The following ACE variants were observed in gnomAD, a reference collection of about 807,000 sequenced individuals.
ACE encodes the protein angiotensin-converting enzyme.
A neutral mutation model predicts 162.3 loss-of-function variants in ACE; 122 were observed. The observed-to-expected ratio is 0.75, with a 90% confidence interval of 0.65 to 0.87. ACE has a LOEUF of 0.87. ACE is among the 40% of genes least tolerant of loss of function. The pLI, the probability that ACE is intolerant of heterozygous loss-of-function variation, is 0.00. For missense variants in ACE, 1,799 were observed against 1,735.1 expected (o/e 1.04, Z -0.65); for synonymous variants, 796 against 720.6 (o/e 1.10, Z -1.68).
At chr17:63,482,126 G>A (rs4307) in intron 7 of ACE, among the ~76,000 whole-genome samples, 2,859 of 152,056 alleles carry the variant, frequency 0.019, 45 homozygotes, top group Middle Eastern at 0.027. Flanking sequence ...GCGAAACCCC[G>A]TCTCTACTAA....
Position 63,484,042 on chromosome 17 carries a change from T to C in ACE, c.1709+71T>C. ...CTGGCAAAGGGTGTGGCAGGAGGTG[T>C]CTGGCTGCTCTGATGGGGTGGGGGG... is the stretch of plus-strand genomic sequence containing the variant. On this transcript the variant is annotated intron_variant, in intron 11 of 24. Transcript: ENST00000290866. The surrounding 1 kb of genome is among the most constrained non-coding windows in gnomAD (Gnocchi z 4.0). 2 of 1,541,594 alleles carry C rather than the reference T, an allele frequency of 1.3e-6. No individual in the cohort carries two copies. The highest frequency in any genetic ancestry group is 1.7e-6 in the Non-Finnish European group (2 of 1,147,064).
chr17:63,493,371 C>G (rs1024548993), intron 19 of ACE, 65 bp from the exon 20 acceptor site: 1 of 1,487,518 alleles, frequency 6.7e-7, no homozygotes, highest in African/African-American at 1.4e-5. Flanking sequence ...GCCCACTGTT[C>G]CCTTATGCCC....
In ACE at chr17:63,486,606, A is replaced by G; in HGVS notation, c.2108A>G (p.Gln703Arg). The change falls in exon 14 of 25, where the codon CAG (glutamine) becomes CGG (arginine). Residue 703 changes from glutamine (Q) to arginine (R), a missense_variant. Physicochemically the swap from Gln to Arg is conservative, Grantham distance 43 (BLOSUM62 1). Coordinates refer to ENST00000290866, the MANE Select transcript of ACE (RefSeq NM_000789.4). ...AACCACACCCTGAAGTACGGCACCC[A>G]GGCCAGGAAGTTTGATGTGAACCAG... ...IANHTLKYGT[Q>R]ARKFDVNQLQ... The G allele has an allele frequency of 6.2e-7, 1 of 1,614,236 alleles. No homozygotes were observed.
Position 63,491,050 on chromosome 17 carries a change from A to T in ACE, c.2738A>T (p.Gln913Leu). Residue 913 changes from glutamine (Q) to leucine (L), a missense_variant and splice_region_variant, in exon 18 of 25, where the codon CAG (glutamine) becomes CTG (leucine). Physicochemically the swap from Gln to Leu is moderately radical, Grantham distance 113. Coordinates refer to ENST00000290866, the MANE Select transcript of ACE (RefSeq NM_000789.4). The surrounding 1 kb of genome is among the most constrained non-coding windows in gnomAD (Gnocchi z 4.4). ...GACACCACAGAGGCTATGCTAAAGCAGGTCCGCACCAGCCCAGGGGCAGGG... is the reference window on the plus strand; with the variant it reads ...GACACCACAGAGGCTATGCTAAAGCTGGTCCGCACCAGCCCAGGGGCAGGG... ...SMDTTEAMLK[Q>L]GWTPRRMFKE... 2 of 1,614,152 alleles carry T rather than the reference A, an allele frequency of 1.2e-6. No homozygotes were observed. Among genetic ancestry groups the T allele is most frequent in the Non-Finnish European group, 1.7e-6 (2 of 1,180,016 alleles).
chr17:63,483,582 AC>A, intron 10 of ACE, 24 bp downstream of exon 10: 2 of 810,054 alleles, frequency 2.5e-6, no homozygotes, highest in Non-Finnish European at 3.3e-6. Flanking sequence ...CACCCCACCC[AC>A]CCCCAGTACT....
chr17:63,488,716 G>C lies in ACE; in HGVS notation c.2374G>C (p.Asp792His), dbSNP rs1291650441. The C allele has an allele frequency of 2.5e-6, 4 of 1,613,736 alleles. No individual in the cohort carries two copies. The highest frequency in any genetic ancestry group is 3.3e-4 in the Middle Eastern group (2 of 6,062). ...GTTATGGGCATGGGAGGGCTGGCGA[G>C]ACAAGGCGGGGAGAGCCATCCTCCA... is the stretch of plus-strand genomic sequence containing the variant. ...DLLWAWEGWR[D>H]KAGRAILQFY... The change falls in exon 16 of 25, where the codon GAC becomes CAC. Residue 792 changes from aspartate (D) to histidine (H), a missense_variant. By Grantham distance (81) the Asp-to-His change is moderately conservative (BLOSUM62 -1). Transcript: ENST00000290866.
In ACE at chr17:63,483,567, G is replaced by GCGGGGGGGGGGGCCCCCCCCCCCCC; in HGVS notation, c.1586+10_1586+11insGGGGGGGGGGGCCCCCCCCCCCCCC. The stretch of plus-strand genomic sequence containing the variant: ...GTGACACCATACATCAGGTATTAGC[G>GCGGGGGGGGGGGCCCCCCCCCCCCC]CCCCCACCCCACCCACCCCCAGTAC... On this transcript the variant is annotated intron_variant, in intron 10 of 24. Coordinates refer to ENST00000290866, the MANE Select transcript of ACE (RefSeq NM_000789.4). The GCGGGGGGGGGGGCCCCCCCCCCCCC allele has an allele frequency of 1.3e-6, 2 of 1,589,440 alleles. No homozygotes were observed. Among genetic ancestry groups the GCGGGGGGGGGGGCCCCCCCCCCCCC allele is most frequent in the Non-Finnish European group, 8.6e-7 (1 of 1,165,604 alleles).
At chr17:63,489,773 G>C (rs1298687322) in intron 17 of ACE, 1 of 158,384 alleles carries the variant, frequency 6.3e-6, no homozygotes, top group African/African-American at 2.4e-5. Flanking sequence ...AGAGAGACCA[G>C]ACAGGCCCTC....
chr17:63,492,224 A>G lies in ACE; in HGVS notation c.2912+843A>G, dbSNP rs12720724. ...ATTTACCTGGCAGCCAGCATCCCCC[A>G]CAGCAACTACTGACGCAGCCAGTTC... On this transcript the variant is annotated intron_variant, in intron 19 of 24. Transcript: ENST00000290866. 5.2e-3 allele frequency among the ~76,000 whole-genome samples: 786 copies of G among 152,308 alleles called. 10 individuals carry two copies. The highest frequency in any genetic ancestry group is 0.018 in the African/African-American group (743 of 41,564).
In ACE at chr17:63,486,938, G is replaced by C. The variant is rs1390254062; in HGVS notation, c.2218-48G>C. The C allele has an allele frequency of 2.6e-6, 4 of 1,563,932 alleles. No homozygotes were observed. The African/African-American group carries it at 5.4e-5, about 21-fold the overall frequency. On this transcript the variant is annotated intron_variant, in intron 14 of 24. Transcript: ENST00000290866. ...CTGGGGGTAGTGCAGGCCCCAGAGAGACCAAGTGCAAAGGAGTACAGCTCA... is the reference window on the plus strand; with the variant it reads ...CTGGGGGTAGTGCAGGCCCCAGAGACACCAAGTGCAAAGGAGTACAGCTCA...
At chr17:63,478,882 C>T (rs1568035774) in intron 2 of ACE, 125 bp from the exon 3 acceptor site, 2 of 775,496 alleles carry the variant, frequency 2.6e-6, no homozygotes, top group African/African-American at 1.7e-5. Context: ...CAGAAGTGCC[C>T]CGGTGCCACT....
At chr17:63,497,087 G>C in intron 24 of ACE, 50 bp from the exon 25 acceptor site, 1 of 1,572,314 alleles carries the variant, frequency 6.4e-7, no homozygotes, top group Non-Finnish European at 8.6e-7. Flanking sequence ...CCGCACCCTT[G>C]CCCTGCCCTG....
Position 63,486,497 on chromosome 17 carries a change from C to T in ACE, c.2059-60C>T, listed in dbSNP as rs2029946532. The T allele has an allele frequency of 3.1e-6, 5 of 1,598,470 alleles. No homozygotes were observed. In the Admixed American group the frequency reaches 5.1e-5, roughly 16 times the overall value. On this transcript the variant is annotated intron_variant, in intron 13 of 24. Coordinates refer to ENST00000290866, the MANE Select transcript of ACE (RefSeq NM_000789.4). ...GCCCTCAGCTCCCACTTGGGGCCTC[C>T]CGCTCAGAGGCTGCTCTGGAGCTCC...
In ACE at chr17:63,480,381, C is replaced by T. The variant is rs778841130; in HGVS notation, c.700C>T (p.Pro234Ser). Residue 234 changes from proline to serine, a missense_variant, in exon 5 of 25, where the codon CCC (proline) becomes TCC (serine). Coordinates refer to ENST00000290866, the MANE Select transcript of ACE (RefSeq NM_000789.4). ...CTACTGGCGCTCCTGGTACAACTCCCCCACCTTCGAGGACGATCTGGAACA... is the reference window on the plus strand; with the variant it reads ...CTACTGGCGCTCCTGGTACAACTCCTCCACCTTCGAGGACGATCTGGAACA... ...GAYWRSWYNS[P>S]TFEDDLEHLY... The T allele has an allele frequency of 1.9e-6, 3 of 1,613,988 alleles. No homozygotes were observed. The highest frequency in any genetic ancestry group is 2.2e-5 in the East Asian group (1 of 44,894).
chr17:63,488,957 G>T lies in ACE; in HGVS notation c.2466G>T (p.Gly822=), dbSNP rs758008802. ...CCTCTGTAGGCTATGTAGATGCAGG[G>T]GACTCGTGGAGGTCTATGTACGAGA... The part of the protein sequence containing the change: ...AARLNGYVDA[G]DSWRSMYETP... Residue 822 remains glycine, a synonymous_variant, in exon 17 of 25, where the codon GGG becomes GGT. Coordinates refer to ENST00000290866, the MANE Select transcript of ACE (RefSeq NM_000789.4). The T allele has an allele frequency of 6.2e-7, 1 of 1,614,110 alleles. No homozygotes were observed. The highest frequency in any genetic ancestry group is 1.3e-5 in the African/African-American group (1 of 75,032).
Position 63,494,441 on chromosome 17 carries a change from C to G in ACE, c.3351C>G (p.Phe1117Leu). ...GTGACTTTGACCCAGGGGCCAAGTT[C>G]CACATTCCTTCTAGCGTGCCTTACA... ...TQGDFDPGAK[F>L]HIPSSVPYIR... Residue 1117 changes from phenylalanine (F) to leucine (L), a missense_variant, in exon 22 of 25, where the codon TTC (phenylalanine) becomes TTG (leucine). By Grantham distance (22) the Phe-to-Leu change is conservative. Coordinates refer to ENST00000290866, the MANE Select transcript of ACE (RefSeq NM_000789.4). The G allele has an allele frequency of 6.2e-7, 1 of 1,614,124 alleles. No individual in the cohort carries two copies. The highest frequency in any genetic ancestry group is 1.1e-5 in the South Asian group (1 of 91,058).
intron 19 of ACE, among the ~76,000 whole-genome samples, chr17:63,492,179 G>A (rs4350): frequency 0.05 from 7,555 of 152,246 alleles, 585 homozygotes; most frequent in African/African-American, 0.17. Context: ...CCCTCCCAGC[G>A]TGGAATCTGA....
chr17:63,495,652 C>T (rs1039099369), intron 22 of ACE, among the ~76,000 whole-genome samples: 3 of 152,300 alleles, frequency 2.0e-5, no homozygotes, highest in African/African-American at 4.8e-5. Flanking sequence ...GGTTCCCAGC[C>T]GGCGCTGGCT....
intron 2 of ACE, chr17:63,478,655 C>T (rs2049657855): frequency 5.2e-6 from 2 of 384,362 alleles, no homozygotes; most frequent in Non-Finnish European, 1.0e-5. Context: ...AGAGTGAGAC[C>T]TCCCCCCAAA....
Sources: gnomAD v4.1 joint callset for allele counts (sites outside exome capture counted in the v4.1 genomes callset) on GRCh38, gnomAD v4.1.1 for gene constraint, Gnocchi (gnomAD v3.1) non-coding constraint, MANE v1.5 for transcripts, NCBI Gene and HGNC (gene_info 2026-07-23, HGNC 2026-07-21) for gene names.